Variants in HNMT observed in about 807,000 individuals in gnomAD.
HNMT encodes the protein histamine N-methyltransferase.
A neutral mutation model predicts 32.1 loss-of-function variants in HNMT; 30 were observed. That is an observed-to-expected ratio of 0.93 (90% confidence interval 0.70 to 1.27). The LOEUF is 1.27. Ranked by LOEUF, HNMT falls within the 50% of genes most tolerant of loss-of-function variation. HNMT has a pLI of 0.00. For missense variants in HNMT, 327 were observed against 346.0 expected, an observed-to-expected ratio of 0.95 and a Z score of 0.43; for synonymous variants, 125 against 119.0, an observed-to-expected ratio of 1.05 and a Z score of -0.33.
At chr2:138,004,180 G>C (rs567324719) in intron 4 of HNMT, among the ~76,000 whole-genome samples, 1 of 152,134 alleles carries the variant, frequency 6.6e-6, no homozygotes, top group African/African-American at 2.4e-5. Flanking sequence ...TCATATCGTA[G>C]ATTGTTAGCC....
At position 138,015,192 on chromosome 2, in the gene HNMT, C is replaced by T. The variant is rs976668729; in HGVS notation, c.*1062C>T. 15 of 152,084 alleles carry T rather than the reference C, an allele frequency of 9.9e-5. No individual in the cohort carries two copies. The highest frequency in any genetic ancestry group is 3.4e-4 in the African/African-American group (14 of 41,538). The allele number at this position is 152,084 out of a possible 1,614,324, so 9.4% of individuals were successfully genotyped here. A position where few individuals can be genotyped will look rare whatever the true frequency, so the allele number is the denominator to read the frequency against. On this transcript the variant is annotated 3_prime_UTR_variant, in exon 6 of 6. Transcript: ENST00000280097. Reference sequence around the variant, plus strand: ...GGTTTTGAAAACAAATTTGATGTTTCTTATTTTTAATAATAACGCTCTGTT... The same window carrying T: ...GGTTTTGAAAACAAATTTGATGTTTTTTATTTTTAATAATAACGCTCTGTT...
chr2:137,983,903 T>C (rs1680575842), intron 2 of HNMT, among the ~76,000 whole-genome samples: 1 of 152,224 alleles, frequency 6.6e-6, no homozygotes, highest in African/African-American at 2.4e-5. Context: ...TGCTGCTTCT[T>C]AATTGCCTTT....
chr2:137,995,631 A>T (rs1188877675), intron 2 of HNMT, among the ~76,000 whole-genome samples: 1 of 152,186 alleles, frequency 6.6e-6, no homozygotes, highest in Non-Finnish European at 1.5e-5. Flanking sequence ...ATTACAAATG[A>T]TTGAAAAGGT....
intron 5 of HNMT, among the ~76,000 whole-genome samples, chr2:138,013,285 C>T (rs66500720): frequency 0.21 from 32,338 of 151,830 alleles, 3,737 homozygotes; most frequent in South Asian, 0.3. Flanking sequence ...GTGATCTGGG[C>T]CCTTCATCCA....
intron 5 of HNMT, among the ~76,000 whole-genome samples, chr2:138,011,904 A>T (rs1259954800): frequency 6.6e-6 from 1 of 152,110 alleles, no homozygotes; most frequent in African/African-American, 2.4e-5. Flanking sequence ...ACTGAGACAC[A>T]GGTTCATAAA....
chr2:137,977,810 C>A (rs1477884489), intron 2 of HNMT, among the ~76,000 whole-genome samples: 2 of 151,554 alleles, frequency 1.3e-5, no homozygotes, highest in Non-Finnish European at 2.9e-5. Flanking sequence ...CTGGCCTGGC[C>A]CTGCTGGTTG....
intron 5 of HNMT, 112 bp downstream of exon 5, chr2:138,005,337 C>A: frequency 1.4e-6 from 1 of 692,680 alleles, no homozygotes; most frequent in South Asian, 1.8e-5. Flanking sequence ...AAATTCTTGC[C>A]TTGGCCTCTA....
At position 138,002,195 on chromosome 2, in the gene HNMT, G is replaced by A; in HGVS notation, c.429+1G>A. 6.5e-7 allele frequency: 1 copy of A among 1,540,142 alleles called. No homozygotes were observed. Among genetic ancestry groups the A allele is most frequent in the Non-Finnish European group, 8.9e-7 (1 of 1,124,222 alleles). ...GTGGGACTTTATTCATATGATTCAA[G>A]TAAGAAATATGTATTATAATATATA... On this transcript the variant is annotated splice_donor_variant, in intron 4 of 5. Coordinates refer to ENST00000280097, the MANE Select transcript of HNMT (RefSeq NM_006895.3). LOFTEE classifies it high-confidence loss of function.
At chr2:137,970,679 G>A (rs1325548782) in intron 2 of HNMT, among the ~76,000 whole-genome samples, 1 of 152,200 alleles carries the variant, frequency 6.6e-6, no homozygotes, top group East Asian at 1.9e-4. Flanking sequence ...CCAGCACTTT[G>A]GGAGGCTGAG....
At position 138,014,166 on chromosome 2, in the gene HNMT, T is replaced by C; in HGVS notation, c.*36T>C. Reference sequence around the variant, plus strand: ...CAAAAGTATATTCAAAAATTATATTTTGAACAACTCGAATCACTCATTTAT... The same window carrying C: ...CAAAAGTATATTCAAAAATTATATTCTGAACAACTCGAATCACTCATTTAT... On this transcript the variant is annotated 3_prime_UTR_variant, in exon 6 of 6. Coordinates refer to ENST00000280097, the MANE Select transcript of HNMT (RefSeq NM_006895.3). 7.9e-7 allele frequency: 1 copy of C among 1,257,944 alleles called. No homozygotes were observed. Among genetic ancestry groups the C allele is most frequent in the Non-Finnish European group, 1.1e-6 (1 of 897,210 alleles). 77.9% of individuals were successfully genotyped at this position (1,257,944 alleles called of 1,614,324 possible).
chr2:138,004,336 A>T (rs1317759861), intron 4 of HNMT, among the ~76,000 whole-genome samples: 1 of 152,068 alleles, frequency 6.6e-6, no homozygotes, highest in Non-Finnish European at 1.5e-5. Context: ...CAGCTAAAGT[A>T]CTTTTCCTTT....
chr2:137,964,771 G>A (rs879623503), intron 1 of HNMT, 143 bp downstream of exon 1: 2 of 763,216 alleles, frequency 2.6e-6, no homozygotes, highest in Non-Finnish European at 4.4e-6. Context: ...TCCCCTCCTC[G>A]CTGCCCTGCC....
At chr2:138,006,197 C>T (rs1425901901) in intron 5 of HNMT, among the ~76,000 whole-genome samples, 1 of 151,898 alleles carries the variant, frequency 6.6e-6, no homozygotes, top group African/African-American at 2.4e-5. Flanking sequence ...GTCTCATTTC[C>T]CATTTAGAAG....
Position 137,977,668 on chromosome 2 carries a change from A to G in HNMT, c.190+7451A>G, listed in dbSNP as rs74747403. Among the ~76,000 whole-genome samples, 138 of 152,284 alleles carry G rather than the reference A, an allele frequency of 9.1e-4. 4 individuals carry two copies. The East Asian group carries it at 0.023, about 26-fold the overall frequency. On this transcript the variant is annotated intron_variant, in intron 2 of 5. Transcript: ENST00000280097. The stretch of plus-strand genomic sequence containing the variant: ...CAAAAAGACTTAAAAAGCTAATAAC[A>G]TATAATACTGATGAGGTTACAGTGA...
At chr2:138,009,689 T>C (rs972558226) in intron 5 of HNMT, among the ~76,000 whole-genome samples, 2 of 152,090 alleles carry the variant, frequency 1.3e-5, no homozygotes, top group Non-Finnish European at 2.9e-5. Flanking sequence ...TTCATATTGA[T>C]GTCAGTGAAC....
chr2:137,996,687 T>C (rs1428002448), intron 2 of HNMT, among the ~76,000 whole-genome samples: 1 of 152,110 alleles, frequency 6.6e-6, no homozygotes, highest in Non-Finnish European at 1.5e-5. Context: ...ATTTCATATG[T>C]AATCAAAGAA....
At chr2:137,978,083 T>C (rs974848235) in intron 2 of HNMT, among the ~76,000 whole-genome samples, 1 of 152,018 alleles carries the variant, frequency 6.6e-6, no homozygotes, top group Non-Finnish European at 1.5e-5. Flanking sequence ...TTTATCACTG[T>C]TTTTAAAAAT....
intron 1 of HNMT, chr2:137,967,457 G>T: frequency 4.3e-6 from 1 of 230,638 alleles, no homozygotes; most frequent in Non-Finnish European, 8.4e-6. Flanking sequence ...CTTGGCATGT[G>T]GAATAACTTT....
At chr2:137,968,139 C>T (rs1680015610) in intron 1 of HNMT, among the ~76,000 whole-genome samples, 1 of 151,958 alleles carries the variant, frequency 6.6e-6, no homozygotes, top group South Asian at 2.1e-4. Flanking sequence ...TTCTTCAATC[C>T]CCTATTTGAG....
Sources: gnomAD v4.1 joint callset for allele counts (sites outside exome capture counted in the v4.1 genomes callset) on GRCh38, gnomAD v4.1.1 for gene constraint, MANE v1.5 for transcripts, NCBI Gene and HGNC (gene_info 2026-07-23, HGNC 2026-07-21) for gene names.